ARL15: variants seen among roughly 807,000 people sequenced by gnomAD.
The protein encoded by ARL15 is ADP-ribosylation factor-like protein 15.
A neutral mutation model predicts 25.2 loss-of-function variants in ARL15; 19 were observed. The ratio of observed to expected loss-of-function variants is 0.75; its 90% CI spans 0.53 to 1.10. The LOEUF (loss-of-function observed/expected upper bound fraction) is 1.10, where lower values mean the gene tolerates loss of function less well. Ranked by LOEUF, ARL15 falls within the 50% of genes least tolerant of loss-of-function variation. The pLI is 0.00. For missense variants in ARL15, 220 were observed against 246.0 expected, an observed-to-expected ratio of 0.89 and a Z score of 0.71; for synonymous variants, 94 against 86.8, an observed-to-expected ratio of 1.08 and a Z score of -0.46.
At chr5:54,250,433 C>T (rs967126363) in intron 1 of ARL15, among the ~76,000 whole-genome samples, 3 of 152,040 alleles carry the variant, frequency 2.0e-5, no homozygotes, top group Non-Finnish European at 2.9e-5. Context: ...AATTGGAGAA[C>T]AGGAAAGAGA....
At chr5:53,907,667 T>G (rs1235485391) in intron 4 of ARL15, among the ~76,000 whole-genome samples, 1 of 150,578 alleles carries the variant, frequency 6.6e-6, no homozygotes, top group East Asian at 1.9e-4. Context: ...CCTGCTAATT[T>G]TTGTATTTTT....
intron 4 of ARL15, among the ~76,000 whole-genome samples, chr5:54,007,022 C>T (rs1460759004): frequency 1.3e-5 from 2 of 151,992 alleles, no homozygotes. Context: ...ACCCAGGAGA[C>T]GGAGGTTGCA....
In ARL15 at chr5:54,165,738, T is replaced by TTATATATATATATA. The variant is rs3063747; in HGVS notation, c.193+6032_193+6045dup. Reference sequence around the variant, plus strand: ...TATGGATATAAATATATACCTTTGTTTATATATATATATATAAATAGAGAC... The same window carrying TTATATATATATATA: ...TATGGATATAAATATATACCTTTGTTTATATATATATATATATATATATATATATAAATAGAGAC... On this transcript the variant is annotated intron_variant, in intron 2 of 4. Transcript: ENST00000504924. Among the ~76,000 whole-genome samples, 213 of 147,926 alleles carry TTATATATATATATA rather than the reference T, an allele frequency of 1.4e-3. 2 individuals carry two copies. The East Asian group carries it at 0.033, about 23-fold the overall frequency.
chr5:54,249,670 AG>A (rs1757188588), intron 1 of ARL15, among the ~76,000 whole-genome samples: 1 of 135,946 alleles, frequency 7.4e-6, no homozygotes. Flanking sequence ...TGTGGTTAAG[AG>A]CAAAAAAAAA....
Position 54,077,114 on chromosome 5 carries a change from C to T in ARL15, c.462+36088G>A, listed in dbSNP as rs575069769. On this transcript the variant is annotated intron_variant, in intron 4 of 4. Transcript: ENST00000504924. ...GAGTACCGTTAAATTTTTCTTATGCCTGTTAACATATTGTCATTCATTTAC... is the reference window on the plus strand; with the variant it reads ...GAGTACCGTTAAATTTTTCTTATGCTTGTTAACATATTGTCATTCATTTAC... Among the ~76,000 whole-genome samples, 3 of 152,208 alleles carry T rather than the reference C, an allele frequency of 2.0e-5. No individual in the cohort carries two copies. The East Asian group carries it at 5.8e-4, about 29-fold the overall frequency.
At chr5:54,226,415 TG>T (rs1412068531) in intron 1 of ARL15, among the ~76,000 whole-genome samples, 2 of 152,190 alleles carry the variant, frequency 1.3e-5, no homozygotes, top group African/African-American at 4.8e-5. Flanking sequence ...GGGTTGAAGC[TG>T]GCTGATTAAA....
chr5:54,214,223 T>C (rs1756121017), intron 1 of ARL15, among the ~76,000 whole-genome samples: 1 of 152,184 alleles, frequency 6.6e-6, no homozygotes, highest in Non-Finnish European at 1.5e-5. Flanking sequence ...GAGAATACTT[T>C]ATTCACTAAC....
At chr5:54,214,102 G>A (rs1287345818) in intron 1 of ARL15, among the ~76,000 whole-genome samples, 1 of 151,990 alleles carries the variant, frequency 6.6e-6, no homozygotes, top group Non-Finnish European at 1.5e-5. Context: ...AGATGGAAGG[G>A]GGGAAAAAAG....
At chr5:54,049,695 G>A (rs1283782245) in intron 4 of ARL15, among the ~76,000 whole-genome samples, 8 of 151,896 alleles carry the variant, frequency 5.3e-5, no homozygotes, top group African/African-American at 1.9e-4. Context: ...CTGCCTCCCA[G>A]ACTCAGGCAA....
Position 54,171,804 on chromosome 5 carries a change from T to C in ARL15, c.173A>G (p.Asp58Gly). ...CCCACCTGTGGTCGACACGACGTTA[T>C]CGGGGCTTTCACTGCAGAGTTTGGA... is the stretch of plus-strand genomic sequence containing the variant. ...LLSKLCSESP[D>G]NVVSTTGFSI... The change falls in exon 2 of 5, where the codon GAT (aspartate) becomes GGT (glycine). Residue 58 changes from aspartate (D) to glycine (G), a missense_variant. Asp to Gly is a moderately conservative substitution (Grantham distance 94). Coordinates refer to ENST00000504924, the MANE Select transcript of ARL15 (RefSeq NM_019087.3). The C allele has an allele frequency of 6.2e-7, 1 of 1,613,062 alleles. No homozygotes were observed. The highest frequency in any genetic ancestry group is 8.5e-7 in the Non-Finnish European group (1 of 1,179,454).
At chr5:54,293,397 A>C (rs1356746931) in intron 1 of ARL15, among the ~76,000 whole-genome samples, 1 of 152,230 alleles carries the variant, frequency 6.6e-6, no homozygotes, top group Non-Finnish European at 1.5e-5. Context: ...GCTTGTAAAA[A>C]GTCAAATATA....
intron 1 of ARL15, among the ~76,000 whole-genome samples, chr5:54,266,483 T>G (rs1757630124): frequency 6.6e-6 from 1 of 152,230 alleles, no homozygotes; most frequent in Non-Finnish European, 1.5e-5. Flanking sequence ...TGCTTTTGGA[T>G]TTCATGAGAA....
intron 1 of ARL15, among the ~76,000 whole-genome samples, chr5:54,270,377 T>A (rs1430336169): frequency 6.6e-6 from 1 of 151,928 alleles, no homozygotes; most frequent in Non-Finnish European, 1.5e-5. Flanking sequence ...GAAAATAGAG[T>A]AGTCGTGAAA....
intron 4 of ARL15, among the ~76,000 whole-genome samples, chr5:53,938,112 G>A (rs1415924979): frequency 6.6e-6 from 1 of 151,990 alleles, no homozygotes; most frequent in African/African-American, 2.4e-5. Flanking sequence ...ACTGATATGG[G>A]GTTCAACATT....
At chr5:54,019,310 T>C (rs1451406764) in intron 4 of ARL15, among the ~76,000 whole-genome samples, 1 of 152,160 alleles carries the variant, frequency 6.6e-6, no homozygotes, top group Non-Finnish European at 1.5e-5. Context: ...TTTAAGTAGG[T>C]TTCCATTTGC....
At chr5:53,951,674 AT>A (rs1467106805) in intron 4 of ARL15, 5 of 396,398 alleles carry the variant, frequency 1.3e-5, no homozygotes, top group East Asian at 9.6e-5. Context: ...ACCACTAAAA[AT>A]ATCAGTAAAT....
At chr5:54,019,554 C>A (rs1189612059) in intron 4 of ARL15, among the ~76,000 whole-genome samples, 4 of 152,028 alleles carry the variant, frequency 2.6e-5, no homozygotes, top group Non-Finnish European at 4.4e-5. Flanking sequence ...TATGTTGGGG[C>A]CATGAAGTCA....
intron 1 of ARL15, among the ~76,000 whole-genome samples, chr5:54,254,818 G>A (rs752467895): frequency 1.7e-4 from 26 of 152,210 alleles, no homozygotes; most frequent in Non-Finnish European, 2.2e-4. Context: ...TTTACCTAAA[G>A]TTTAATAGGA....
intron 4 of ARL15, among the ~76,000 whole-genome samples, chr5:54,099,879 G>C (rs200606428): frequency 6.6e-6 from 1 of 152,060 alleles, no homozygotes; most frequent in Non-Finnish European, 1.5e-5. Context: ...TAATTTAGAT[G>C]GTCAACAGTG....
Sources: gnomAD v4.1 joint callset for allele counts (sites outside exome capture counted in the v4.1 genomes callset) on GRCh38, gnomAD v4.1.1 for gene constraint, MANE v1.5 for transcripts, NCBI Gene and HGNC (gene_info 2026-07-23, HGNC 2026-07-21) for gene names.